Variants in USP6NL observed in about 807,000 individuals in gnomAD.
The protein encoded by USP6NL is USP6 N-terminal-like protein.
USP6NL carries 26 observed loss-of-function variants against 61.9 expected under a neutral mutation model. That is an observed-to-expected ratio of 0.42 (90% CI 0.31 to 0.58). The LOEUF (loss-of-function observed/expected upper bound fraction) is 0.58, where lower values mean the gene tolerates loss of function less well. Among genes scored for constraint, USP6NL ranks in the 20% least tolerant of loss-of-function variants. The pLI, the probability that USP6NL is intolerant of heterozygous loss-of-function variation, is 0.16. For synonymous variants in USP6NL, 432 were observed against 390.1 expected (o/e 1.11, Z -1.27); for missense variants, 1,114 against 1,034.3 (o/e 1.08, Z -1.06).
At chr10:11,524,420 T>C (rs1377290880) in intron 4 of USP6NL, among the ~76,000 whole-genome samples, 1 of 152,102 alleles carries the variant, frequency 6.6e-6, no homozygotes, top group Non-Finnish European at 1.5e-5. Flanking sequence ...AAGCACAAAA[T>C]GGCTACATGA....
chr10:11,595,431 G>A lies in USP6NL; in HGVS notation c.4+2200C>T, dbSNP rs1431566233. ...GCACTTTTCCTTAATTATGAAACTA[G>A]ATTGAAAATGCTTCTACTAACTGTG... On this transcript the variant is annotated intron_variant, in intron 2 of 14. Coordinates refer to ENST00000609104, the MANE Select transcript of USP6NL (RefSeq NM_014688.5). This position sits in a 1 kb window ranked among gnomAD's most constrained non-coding sequence, Gnocchi z 5.3. Among the ~76,000 whole-genome samples, 1 of 152,250 alleles carries A rather than the reference G, an allele frequency of 6.6e-6. No homozygotes were observed. Among genetic ancestry groups the A allele is most frequent in the South Asian group, 2.1e-4 (1 of 4,824 alleles).
At chr10:11,473,589 C>T (rs550865069) in intron 14 of USP6NL, among the ~76,000 whole-genome samples, 5 of 152,012 alleles carry the variant, frequency 3.3e-5, no homozygotes, top group Non-Finnish European at 1.5e-5. Flanking sequence ...AAGAGCAGGC[C>T]GATTAGAGCT....
chr10:11,500,317 T>C (rs1389934702), intron 7 of USP6NL, among the ~76,000 whole-genome samples: 2 of 152,116 alleles, frequency 1.3e-5, no homozygotes, highest in Non-Finnish European at 2.9e-5. Flanking sequence ...CCTGCACATG[T>C]GTACCCCTGA....
intron 2 of USP6NL, among the ~76,000 whole-genome samples, chr10:11,552,138 T>C (rs974278794): frequency 2.0e-5 from 3 of 152,234 alleles, no homozygotes; most frequent in African/African-American, 7.2e-5. Flanking sequence ...AGTAAAAGAT[T>C]TGAATGTGCT....
At chr10:11,577,163 T>C (rs1026283136) in intron 2 of USP6NL, among the ~76,000 whole-genome samples, 3 of 151,322 alleles carry the variant, frequency 2.0e-5, no homozygotes, top group Non-Finnish European at 2.9e-5. Context: ...GTTCATGCCA[T>C]TCTCCTGCCT....
At position 11,561,170 on chromosome 10, in the gene USP6NL, T is replaced by C. The variant is rs77283640; in HGVS notation, c.5-33603A>G. Among the ~76,000 whole-genome samples, 894 of 152,336 alleles carry C rather than the reference T, an allele frequency of 5.9e-3. 17 individuals are homozygous for C. Among genetic ancestry groups the C allele is most frequent in the Admixed American group, 0.036 (553 of 15,308 alleles). On this transcript the variant is annotated intron_variant, in intron 2 of 14. Coordinates refer to ENST00000609104, the MANE Select transcript of USP6NL (RefSeq NM_014688.5). The surrounding 1 kb of genome is among the most constrained non-coding windows in gnomAD (Gnocchi z 4.1). ...TCATCCAGAATAGCTAAAATATGTT[T>C]GTGCTTTATACATCCAAAAAAAATA...
chr10:11,590,973 T>C (rs552847477), intron 2 of USP6NL, among the ~76,000 whole-genome samples: 52 of 152,106 alleles, frequency 3.4e-4, no homozygotes, highest in Non-Finnish European at 5.6e-4. Context: ...AAGACAAAAT[T>C]AGAAATGAAA....
intron 2 of USP6NL, among the ~76,000 whole-genome samples, chr10:11,584,547 C>A (rs1001390938): frequency 1.3e-5 from 2 of 152,164 alleles, no homozygotes; most frequent in African/African-American, 2.4e-5. Context: ...CTCCACTCTT[C>A]CCCCCTTTCT....
chr10:11,563,062 T>C (rs947665550), intron 2 of USP6NL: 1 of 152,288 alleles, frequency 6.6e-6, no homozygotes, highest in Non-Finnish European at 1.5e-5. Context: ...AGTGTGTAAA[T>C]GGTTAAACCA....
At chr10:11,493,891 G>C (rs1312870659) in intron 7 of USP6NL, among the ~76,000 whole-genome samples, 1 of 151,906 alleles carries the variant, frequency 6.6e-6, no homozygotes, top group African/African-American at 2.4e-5. Flanking sequence ...CTGCCTGTGC[G>C]GCCTGACCTC....
chr10:11,531,053 G>C (rs1835636754), intron 2 of USP6NL, among the ~76,000 whole-genome samples: 2 of 152,122 alleles, frequency 1.3e-5, no homozygotes, highest in South Asian at 4.1e-4. Flanking sequence ...TGTGTTGGTT[G>C]GTACTTATGT....
intron 2 of USP6NL, among the ~76,000 whole-genome samples, chr10:11,560,986 T>TA (rs1478213432): frequency 1.3e-5 from 2 of 151,790 alleles, no homozygotes; most frequent in African/African-American, 2.4e-5. Flanking sequence ...TCAGAAAGCT[T>TA]AAAAAAATGT....
chr10:11,499,662 G>A lies in USP6NL; in HGVS notation c.384+1439C>T, dbSNP rs75282625. On this transcript the variant is annotated intron_variant, in intron 7 of 14. Transcript: ENST00000609104. The surrounding 1 kb of genome is among the most constrained non-coding windows in gnomAD (Gnocchi z 4.5). ...GTGATAAGGAAGACAGGGATGGAGC[G>A]ATGCCAAAATGCACTAAGGATGGTA... 6.6e-5 allele frequency among the ~76,000 whole-genome samples: 10 copies of A among 152,266 alleles called. No homozygotes were observed. Among genetic ancestry groups the A allele is most frequent in the East Asian group, 1.9e-4 (1 of 5,172 alleles).
At chr10:11,543,803 GTTTTTTTTTTTT>G (rs781443038) in intron 2 of USP6NL, among the ~76,000 whole-genome samples, 4 of 76,362 alleles carry the variant, frequency 5.2e-5, no homozygotes, top group Admixed American at 2.0e-4. Context: ...AAATATTTAG[GTTTTTTTTTTTT>G]TTTTTTTTTT....
In USP6NL at chr10:11,600,204, T is replaced by C. The variant is rs1838471897; in HGVS notation, c.-83-2487A>G. 6.6e-6 allele frequency among the ~76,000 whole-genome samples: 1 copy of C among 152,226 alleles called. No individual in the cohort carries two copies. The highest frequency in any genetic ancestry group is 2.1e-4 in the South Asian group (1 of 4,834). On this transcript the variant is annotated intron_variant, in intron 1 of 14. Transcript: ENST00000609104. The surrounding 1 kb of genome is among the most constrained non-coding windows in gnomAD (Gnocchi z 4.1). ...TTATATTGGGATATTTCTGCAAAAA[T>C]TGGCCTTTCATCTCATTTTCCAGGT...
At position 11,595,275 on chromosome 10, in the gene USP6NL, C is replaced by A. The variant is rs1023485779; in HGVS notation, c.4+2356G>T. Among the ~76,000 whole-genome samples, 1 of 152,180 alleles carries A rather than the reference C, an allele frequency of 6.6e-6. No homozygotes were observed. Among genetic ancestry groups the A allele is most frequent in the Non-Finnish European group, 1.5e-5 (1 of 68,032 alleles). ...AGGCACACTGAAGGCACAAGGTCAG[C>A]TGGACTCTGGGCCCAGGGCAGGACA... On this transcript the variant is annotated intron_variant, in intron 2 of 14. Coordinates refer to ENST00000609104, the MANE Select transcript of USP6NL (RefSeq NM_014688.5). The surrounding 1 kb of genome is among the most constrained non-coding windows in gnomAD (Gnocchi z 5.3).
chr10:11,550,795 A>T (rs946399302), intron 2 of USP6NL, among the ~76,000 whole-genome samples: 11 of 147,722 alleles, frequency 7.4e-5, no homozygotes, highest in Admixed American at 2.1e-4. Flanking sequence ...AAAAAAAATT[A>T]AAAAAAAAAC....
rs1253758149 is a variant in USP6NL, at chr10:11,487,711, A to G, written c.664+1391T>C. ...TTTAGAGCCTATTTACTAGATGCAAAGCGCCCAGACCCAGTTACCATGCAG... is the reference window on the plus strand; with the variant it reads ...TTTAGAGCCTATTTACTAGATGCAAGGCGCCCAGACCCAGTTACCATGCAG... On this transcript the variant is annotated intron_variant, in intron 10 of 14. Transcript: ENST00000609104. This position sits in a 1 kb window ranked among gnomAD's most constrained non-coding sequence, Gnocchi z 4.2. 6.6e-6 allele frequency among the ~76,000 whole-genome samples: 1 copy of G among 152,210 alleles called. No homozygotes were observed. Among genetic ancestry groups the G allele is most frequent in the Non-Finnish European group, 1.5e-5 (1 of 68,036 alleles).
chr10:11,521,330 ATATATAT>A (rs1045876891), intron 4 of USP6NL, among the ~76,000 whole-genome samples: 29 of 146,826 alleles, frequency 2.0e-4, no homozygotes, highest in Non-Finnish European at 2.6e-4. Flanking sequence ...TATATATAAA[ATATATAT>A]TATATATTAT....
Sources: gnomAD v4.1 joint callset for allele counts (sites outside exome capture counted in the v4.1 genomes callset) on GRCh38, gnomAD v4.1.1 for gene constraint, Gnocchi (gnomAD v3.1) non-coding constraint, MANE v1.5 for transcripts, NCBI Gene and HGNC (gene_info 2026-07-23, HGNC 2026-07-21) for gene names.